TTC27: variants seen among roughly 807,000 people sequenced by gnomAD.
TTC27 encodes tetratricopeptide repeat protein 27.
In TTC27, 79 loss-of-function variants were observed where a neutral mutation model predicts 115.9. The ratio of observed to expected loss-of-function variants is 0.68; its 90% confidence interval spans 0.57 to 0.82. The LOEUF (loss-of-function observed/expected upper bound fraction) is 0.82. Among genes scored for constraint, TTC27 ranks in the 40% least tolerant of loss-of-function variants. TTC27 has a pLI of 0.00. For synonymous variants in TTC27, 401 were observed against 356.0 expected, an observed-to-expected ratio of 1.13 and a Z score of -1.42; for missense variants, 1,054 against 993.1, an observed-to-expected ratio of 1.06 and a Z score of -0.82.
intron 3 of TTC27, among the ~76,000 whole-genome samples, chr2:32,636,794 T>C (rs993425721): frequency 7.2e-5 from 11 of 152,232 alleles, no homozygotes; most frequent in African/African-American, 2.7e-4. Flanking sequence ...AGCTGGATTT[T>C]GTCAAAGAAG....
At chr2:32,640,948 C>G (rs1352914554) in intron 4 of TTC27, among the ~76,000 whole-genome samples, 1 of 152,132 alleles carries the variant, frequency 6.6e-6, no homozygotes, top group East Asian at 1.9e-4. Context: ...CGCCATTGCA[C>G]TCCAGCCTGG....
chr2:32,708,808 C>T (rs1262067466), intron 10 of TTC27, among the ~76,000 whole-genome samples: 1 of 151,910 alleles, frequency 6.6e-6, no homozygotes, highest in Admixed American at 6.6e-5. Context: ...CCTGGCTTAA[C>T]CAGAAATAGA....
intron 13 of TTC27, among the ~76,000 whole-genome samples, chr2:32,774,659 A>T (rs1006032004): frequency 6.6e-6 from 1 of 152,172 alleles, no homozygotes; most frequent in Non-Finnish European, 1.5e-5. Context: ...TCTTAAGAGT[A>T]TGACTATTCT....
intron 12 of TTC27, among the ~76,000 whole-genome samples, chr2:32,737,919 G>A (rs1668499671): frequency 6.6e-6 from 1 of 152,158 alleles, no homozygotes; most frequent in Non-Finnish European, 1.5e-5. Context: ...GGGAGACTGA[G>A]GGAGGATGAT....
intron 10 of TTC27, among the ~76,000 whole-genome samples, chr2:32,728,240 A>C (rs2151912940): frequency 6.6e-6 from 1 of 151,830 alleles, no homozygotes; most frequent in Admixed American, 6.6e-5. Flanking sequence ...ACAGGGCTTC[A>C]CCCTGTTAGC....
chr2:32,753,459 ACAGAG>A (rs1669089032), intron 12 of TTC27, among the ~76,000 whole-genome samples: 1 of 41,854 alleles, frequency 2.4e-5, no homozygotes, highest in Non-Finnish European at 4.7e-5. Context: ...TTTTTTGGAG[ACAGAG>A]TCTCTCTCTG....
At chr2:32,757,349 A>T (rs1405859517) in intron 12 of TTC27, among the ~76,000 whole-genome samples, 1 of 152,226 alleles carries the variant, frequency 6.6e-6, no homozygotes, top group Non-Finnish European at 1.5e-5. Flanking sequence ...ACCTGATATC[A>T]TTAAGTAAAC....
chr2:32,709,937 G>A (rs1007278041), intron 10 of TTC27, among the ~76,000 whole-genome samples: 14 of 152,162 alleles, frequency 9.2e-5, no homozygotes, highest in Middle Eastern at 3.2e-3. Context: ...GTTTATTTAA[G>A]GAAATACACA....
chr2:32,691,886 A>G, intron 9 of TTC27, among the ~76,000 whole-genome samples: 1 of 151,908 alleles, frequency 6.6e-6, no homozygotes, highest in Admixed American at 6.6e-5. Flanking sequence ...CAGGCACACA[A>G]ATGTTATTTG....
intron 4 of TTC27, among the ~76,000 whole-genome samples, chr2:32,649,591 C>G (rs1370787141): frequency 6.7e-6 from 1 of 150,322 alleles, no homozygotes; most frequent in Non-Finnish European, 1.5e-5. Context: ...GTTGCCCAGG[C>G]TAGAGTGCAA....
intron 12 of TTC27, among the ~76,000 whole-genome samples, chr2:32,748,051 A>G (rs1026905829): frequency 1.5e-4 from 22 of 151,668 alleles, no homozygotes; most frequent in Admixed American, 9.9e-4. Context: ...GGAAGGTTAG[A>G]TTATTGATTT....
intron 13 of TTC27, among the ~76,000 whole-genome samples, chr2:32,776,577 A>G (rs1332759851): frequency 6.6e-6 from 1 of 152,108 alleles, no homozygotes; most frequent in Admixed American, 6.6e-5. Flanking sequence ...GACTAATTCC[A>G]TTGAATTTTT....
chr2:32,667,831 A>C (rs1559196538), intron 7 of TTC27, among the ~76,000 whole-genome samples: 1 of 149,914 alleles, frequency 6.7e-6, no homozygotes, highest in Admixed American at 6.7e-5. Context: ...AAGTGGGTGG[A>C]TCACTTGAGG....
At chr2:32,762,396 C>T (rs1669471439) in intron 13 of TTC27, among the ~76,000 whole-genome samples, 1 of 150,528 alleles carries the variant, frequency 6.6e-6, no homozygotes, top group African/African-American at 2.4e-5. Context: ...AGTTATAGTG[C>T]GAAACCTAGA....
At position 32,628,368 on chromosome 2, in the gene TTC27, G is replaced by A; in HGVS notation, c.76G>A (p.Val26Ile). 3 of 1,603,642 alleles carry A rather than the reference G, an allele frequency of 1.9e-6. No individual in the cohort carries two copies. The highest frequency in any genetic ancestry group is 2.6e-6 in the Non-Finnish European group (3 of 1,176,314). Residue 26 changes from valine to isoleucine, a missense_variant, in exon 1 of 20, where the codon GTC becomes ATC. Coordinates refer to ENST00000317907, the MANE Select transcript of TTC27 (RefSeq NM_017735.5). ...AERQQWKQEG[V>I]VGSESGSFLQ... ...GCGGCAGCAATGGAAACAGGAGGGGGTCGTCGGTTCAGGTGAGAGGCGCAC... is the reference window on the plus strand; with the variant it reads ...GCGGCAGCAATGGAAACAGGAGGGGATCGTCGGTTCAGGTGAGAGGCGCAC...
intron 3 of TTC27, among the ~76,000 whole-genome samples, chr2:32,634,846 G>A (rs939742566): frequency 2.6e-5 from 4 of 151,108 alleles, no homozygotes; most frequent in Non-Finnish European, 4.4e-5. Flanking sequence ...TACTAGATGT[G>A]GGGTTTCTCC....
intron 18 of TTC27, among the ~76,000 whole-genome samples, chr2:32,813,298 A>C (rs1229728564): frequency 6.6e-6 from 1 of 152,200 alleles, no homozygotes; most frequent in African/African-American, 2.4e-5. Context: ...CCAATCCTAA[A>C]GTTCTCCTTC....
intron 5 of TTC27, among the ~76,000 whole-genome samples, chr2:32,658,123 C>T (rs1228537897): frequency 3.3e-5 from 5 of 151,958 alleles, no homozygotes; most frequent in African/African-American, 9.7e-5. Context: ...CCACTGCACC[C>T]GGCCCTATTT....
intron 10 of TTC27, among the ~76,000 whole-genome samples, chr2:32,707,655 A>G (rs1667424287): frequency 6.6e-6 from 1 of 152,234 alleles, no homozygotes; most frequent in Non-Finnish European, 1.5e-5. Context: ...CTAGAACTAA[A>G]AATATTTCTG....
Sources: allele counts gnomAD v4.1 joint callset (sites outside exome capture counted in the v4.1 genomes callset), GRCh38; gene constraint gnomAD v4.1.1; transcripts MANE v1.5; gene names NCBI Gene and HGNC (gene_info 2026-07-23, HGNC 2026-07-21).